MAD1L1: variants seen among roughly 807,000 people sequenced by gnomAD.
MAD1L1 encodes the protein mitotic arrest deficient 1 like 1.
A neutral mutation model predicts 96.9 loss-of-function variants in MAD1L1; 95 were observed. The ratio of observed to expected loss-of-function variants is 0.98; its 90% CI spans 0.83 to 1.16. The LOEUF is 1.16. Among genes scored for constraint, MAD1L1 ranks in the 50% most tolerant of loss-of-function variants. The pLI is 0.00. For missense variants in MAD1L1, 1,007 were observed against 954.4 expected, an observed-to-expected ratio of 1.06 and a Z score of -0.73; for synonymous variants, 473 against 396.6, an observed-to-expected ratio of 1.19 and a Z score of -2.29.
intron 14 of MAD1L1, among the ~76,000 whole-genome samples, chr7:1,996,102 C>T (rs534359598): frequency 2.6e-5 from 4 of 152,282 alleles, no homozygotes; most frequent in Admixed American, 1.3e-4. Flanking sequence ...ACCAGCCACG[C>T]CTCCCGTGTG....
intron 18 of MAD1L1, among the ~76,000 whole-genome samples, chr7:1,870,400 C>T (rs193130019): frequency 4.1e-4 from 60 of 144,742 alleles, no homozygotes; most frequent in African/African-American, 1.3e-3. Context: ...CACCATAACA[C>T]CTGCCACGCT....
At chr7:2,157,395 C>T (rs1369327599) in intron 10 of MAD1L1, among the ~76,000 whole-genome samples, 1 of 152,154 alleles carries the variant, frequency 6.6e-6, no homozygotes, top group Non-Finnish European at 1.5e-5. Flanking sequence ...GTCCACACCT[C>T]ACATGCGTAA....
chr7:2,030,508 C>A (rs576667023), intron 12 of MAD1L1, among the ~76,000 whole-genome samples: 288 of 152,344 alleles, frequency 1.9e-3, no homozygotes, highest in Non-Finnish European at 3.2e-3. Context: ...TAATTAGAGC[C>A]TGTTACACGC....
At chr7:1,884,588 T>C (rs146177235) in intron 18 of MAD1L1, among the ~76,000 whole-genome samples, 15 of 152,344 alleles carry the variant, frequency 9.8e-5, no homozygotes, top group African/African-American at 3.6e-4. Flanking sequence ...CCGAACTTTA[T>C]TTCTGTTCCA....
At chr7:2,214,982 A>C (rs1793184525) in intron 9 of MAD1L1, among the ~76,000 whole-genome samples, 1 of 152,212 alleles carries the variant, frequency 6.6e-6, no homozygotes, top group African/African-American at 2.4e-5. Flanking sequence ...CTGTCATCTC[A>C]GCACTTTGGG....
intron 1 of MAD1L1, among the ~76,000 whole-genome samples, chr7:2,231,185 C>T (rs1250793243): frequency 6.6e-6 from 1 of 152,146 alleles, no homozygotes; most frequent in Non-Finnish European, 1.5e-5. Flanking sequence ...GTAATCCCAG[C>T]TACTCAGGAG....
chr7:2,122,212 G>A (rs1052809505), intron 11 of MAD1L1, among the ~76,000 whole-genome samples: 13 of 152,214 alleles, frequency 8.5e-5, no homozygotes, highest in Non-Finnish European at 1.5e-4. Flanking sequence ...GGAAACCCGC[G>A]GGGGCTGGAG....
chr7:1,843,148 T>G (rs571320475), intron 18 of MAD1L1, among the ~76,000 whole-genome samples: 85 of 152,180 alleles, frequency 5.6e-4, no homozygotes, highest in Middle Eastern at 3.4e-3. Context: ...GCCGGGATCC[T>G]GTGTAATTAG....
At chr7:2,000,172 A>G (rs1223698311) in intron 14 of MAD1L1, among the ~76,000 whole-genome samples, 2 of 152,092 alleles carry the variant, frequency 1.3e-5, no homozygotes, top group East Asian at 3.9e-4. Context: ...CCATACCATG[A>G]GCCCACCCGG....
intron 17 of MAD1L1, among the ~76,000 whole-genome samples, chr7:1,903,599 C>T (rs1312122279): frequency 1.4e-5 from 2 of 142,894 alleles, no homozygotes; most frequent in Admixed American, 7.0e-5. Context: ...CACGCAGTGG[C>T]CTATTGAAGA....
chr7:1,926,010 C>G (rs1350837359), intron 17 of MAD1L1, among the ~76,000 whole-genome samples: 2 of 150,394 alleles, frequency 1.3e-5, no homozygotes, highest in South Asian at 2.2e-4. Flanking sequence ...TCCAGAAAGG[C>G]TAACAGACAA....
intron 10 of MAD1L1, among the ~76,000 whole-genome samples, chr7:2,191,943 A>G (rs1333169950): frequency 6.6e-6 from 1 of 151,696 alleles, no homozygotes; most frequent in African/African-American, 2.4e-5. Context: ...AGGCGGAAGA[A>G]TTGCTTGAAC....
intron 12 of MAD1L1, among the ~76,000 whole-genome samples, chr7:2,030,973 C>T (rs1783200354): frequency 1.3e-5 from 2 of 152,340 alleles, no homozygotes; most frequent in Admixed American, 6.5e-5. Flanking sequence ...TCTTATCTGA[C>T]CAATAAACCC....
chr7:1,885,597 C>A (rs1461095611), intron 18 of MAD1L1, among the ~76,000 whole-genome samples: 1 of 152,170 alleles, frequency 6.6e-6, no homozygotes, highest in Non-Finnish European at 1.5e-5. Flanking sequence ...AGTGGCCCTG[C>A]AGGGTACGGG....
intron 3 of MAD1L1, among the ~76,000 whole-genome samples, chr7:2,226,682 C>T (rs969610050): frequency 6.6e-6 from 1 of 152,230 alleles, no homozygotes; most frequent in Non-Finnish European, 1.5e-5. Context: ...ACACCCCAGA[C>T]CTACTCAGTC....
At chr7:2,232,137 G>A (rs1194460815) in intron 1 of MAD1L1, among the ~76,000 whole-genome samples, 1 of 152,210 alleles carries the variant, frequency 6.6e-6, no homozygotes, top group African/African-American at 2.4e-5. Context: ...ATGGGCTCAT[G>A]GCAGGCCGGC....
chr7:2,143,761 G>C (rs1336763488), intron 11 of MAD1L1, among the ~76,000 whole-genome samples: 1 of 152,064 alleles, frequency 6.6e-6, no homozygotes, highest in Non-Finnish European at 1.5e-5. Context: ...AGCAAGGTGG[G>C]ATCTTCAAAA....
intron 18 of MAD1L1, chr7:1,846,766 A>C: frequency 5.8e-6 from 1 of 171,752 alleles, no homozygotes; most frequent in Non-Finnish European, 1.3e-5. Context: ...GCTCCCCCTC[A>C]TAGGAGCCAA....
intron 18 of MAD1L1, among the ~76,000 whole-genome samples, chr7:1,856,527 A>G (rs1489247514): frequency 6.6e-6 from 1 of 152,186 alleles, no homozygotes; most frequent in African/African-American, 2.4e-5. Flanking sequence ...ACGAGCAGGT[A>G]ATTTCTCATT....
Sources: allele counts gnomAD v4.1 joint callset (sites outside exome capture counted in the v4.1 genomes callset), GRCh38; gene constraint gnomAD v4.1.1; transcripts MANE v1.5; gene names NCBI Gene and HGNC (gene_info 2026-07-23, HGNC 2026-07-21).